TTC39B: variants seen among roughly 807,000 people sequenced by gnomAD.
TTC39B encodes the protein tetratricopeptide repeat domain 39B.
In TTC39B, 92 loss-of-function variants were observed where a neutral mutation model predicts 96.6. That is an observed-to-expected ratio of 0.95 (90% CI 0.80 to 1.13). TTC39B has a LOEUF of 1.13. TTC39B is among the 50% of genes most tolerant of loss of function. The pLI is 0.00. For missense variants in TTC39B, 955 were observed against 809.3 expected (o/e 1.18, Z -2.18); for synonymous variants, 367 against 299.4 (o/e 1.23, Z -2.33).
At chr9:15,251,965 G>C (rs989231949) in intron 2 of TTC39B, among the ~76,000 whole-genome samples, 2 of 151,842 alleles carry the variant, frequency 1.3e-5, no homozygotes, top group African/African-American at 4.8e-5. Flanking sequence ...GAGCCCACAA[G>C]GTCCCTGCTC....
At chr9:15,275,333 T>C (rs1376792651) in intron 1 of TTC39B, among the ~76,000 whole-genome samples, 3 of 152,076 alleles carry the variant, frequency 2.0e-5, no homozygotes, top group African/African-American at 7.2e-5. Flanking sequence ...GAGCCAACGC[T>C]CCCAGCCAGT....
At chr9:15,263,616 C>T (rs1020977407) in intron 2 of TTC39B, among the ~76,000 whole-genome samples, 1 of 152,174 alleles carries the variant, frequency 6.6e-6, no homozygotes, top group African/African-American at 2.4e-5. Flanking sequence ...CCTTACAATA[C>T]CTCTCAGAAC....
chr9:15,231,729 G>A (rs149532805), intron 2 of TTC39B, among the ~76,000 whole-genome samples: 305 of 152,104 alleles, frequency 2.0e-3, no homozygotes, highest in African/African-American at 6.7e-3. Context: ...ATGTTCCTGC[G>A]CAATGAGATA....
At chr9:15,168,608 C>G (rs1224621410) in exon 20 of TTC39B, 1 of 152,152 alleles carries the variant, frequency 6.6e-6, no homozygotes, top group Non-Finnish European at 1.5e-5. Context: ...TTCAGGAGAT[C>G]GAGACCATCC....
At chr9:15,246,886 T>A (rs1046958754) in intron 2 of TTC39B, among the ~76,000 whole-genome samples, 2 of 152,262 alleles carry the variant, frequency 1.3e-5, no homozygotes, top group African/African-American at 4.8e-5. Flanking sequence ...TTCAGATTCA[T>A]AAGCAAATAA....
chr9:15,292,112 G>A lies in TTC39B; in HGVS notation c.240+14972C>T, dbSNP rs149605046. ...TCATAAGGCTAGAATTTTACAGACA[G>A]GAAAGAATCATAGTTAATGCCCACA... On this transcript the variant is annotated intron_variant, in intron 1 of 19. Transcript: ENST00000512701. Among the ~76,000 whole-genome samples the A allele has an allele frequency of 1.1e-3, 175 of 152,290 alleles. 1 individual carries two copies. The highest frequency in any genetic ancestry group is 3.9e-3 in the African/African-American group (160 of 41,548).
chr9:15,255,006 T>G (rs1479290675), intron 2 of TTC39B, among the ~76,000 whole-genome samples: 1 of 152,110 alleles, frequency 6.6e-6, no homozygotes, highest in Non-Finnish European at 1.5e-5. Flanking sequence ...CCCACACCTT[T>G]GAAAAGGTTA....
intron 3 of TTC39B, 103 bp from the exon 4 acceptor site, chr9:15,214,352 G>GTGTC (rs1358512158): frequency 4.8e-5 from 37 of 771,056 alleles, no homozygotes; most frequent in African/African-American, 7.1e-5. Context: ...GTGTGTCTGT[G>GTGTC]TGTGTGTGTC....
intron 1 of TTC39B, among the ~76,000 whole-genome samples, chr9:15,305,692 A>AT: frequency 6.7e-6 from 1 of 149,786 alleles, no homozygotes; most frequent in East Asian, 1.9e-4. Flanking sequence ...CGGCTAATGC[A>AT]TCTCAACCGT....
intron 2 of TTC39B, among the ~76,000 whole-genome samples, chr9:15,231,075 T>C (rs1002355497): frequency 6.6e-6 from 1 of 152,220 alleles, no homozygotes; most frequent in Non-Finnish European, 1.5e-5. Context: ...AATGCTAAAT[T>C]ATGGTATGTG....
chr9:15,280,730 G>T (rs1022621130), intron 1 of TTC39B, among the ~76,000 whole-genome samples: 1 of 152,202 alleles, frequency 6.6e-6, no homozygotes, highest in Non-Finnish European at 1.5e-5. Flanking sequence ...AGAGGGTCAG[G>T]AGAGGCAGTG....
intron 1 of TTC39B, among the ~76,000 whole-genome samples, chr9:15,305,361 G>T (rs538735927): frequency 1.3e-5 from 2 of 152,286 alleles, no homozygotes; most frequent in African/African-American, 4.8e-5. Flanking sequence ...CGCTTGCTCA[G>T]TTTATAGCAA....
intron 1 of TTC39B, among the ~76,000 whole-genome samples, chr9:15,276,562 T>G (rs919951323): frequency 6.6e-6 from 1 of 152,172 alleles, no homozygotes; most frequent in African/African-American, 2.4e-5. Context: ...CAATACAAAG[T>G]CCATGTCATG....
intron 4 of TTC39B, 81 bp downstream of exon 4, chr9:15,214,058 A>C (rs770141786): frequency 2.0e-5 from 22 of 1,099,482 alleles, no homozygotes; most frequent in Non-Finnish European, 2.8e-5. Context: ...GGAACAGCTA[A>C]ATTAATTTAC....
rs1249686641 is a variant in TTC39B at position 15,306,397 on chromosome 9, G to A, written c.240+687C>T. Among the ~76,000 whole-genome samples the A allele has an allele frequency of 1.3e-5, 2 of 152,194 alleles. No individual in the cohort carries two copies. Among genetic ancestry groups the A allele is most frequent in the Non-Finnish European group, 2.9e-5 (2 of 68,030 alleles). On this transcript the variant is annotated intron_variant, in intron 1 of 19. Transcript: ENST00000512701. This position sits in a 1 kb window ranked among gnomAD's most constrained non-coding sequence, Gnocchi z 5.1. The stretch of plus-strand genomic sequence containing the variant: ...AACACAGTTGAAACCAAAGGAGGCC[G>A]GAGTCGGTTCTCAAAGTGGTTTCCC...
intron 17 of TTC39B, among the ~76,000 whole-genome samples, chr9:15,181,349 T>C (rs1818238694): frequency 6.6e-6 from 1 of 152,214 alleles, no homozygotes; most frequent in Non-Finnish European, 1.5e-5. Context: ...CCTAAGTGAC[T>C]TGGCATTGAA....
intron 13 of TTC39B, among the ~76,000 whole-genome samples, chr9:15,188,594 G>A (rs577682491): frequency 6.6e-6 from 1 of 152,140 alleles, no homozygotes; most frequent in African/African-American, 2.4e-5. Flanking sequence ...ATGTAAATAG[G>A]CAAATCAGAA....
At chr9:15,178,243 G>A (rs534888465) in intron 17 of TTC39B, among the ~76,000 whole-genome samples, 1 of 152,064 alleles carries the variant, frequency 6.6e-6, no homozygotes, top group South Asian at 2.1e-4. Flanking sequence ...TTTAGCATTT[G>A]TTATGCCTCA....
chr9:15,272,952 C>T (rs1172481684), intron 1 of TTC39B, among the ~76,000 whole-genome samples: 1 of 152,172 alleles, frequency 6.6e-6, no homozygotes, highest in Non-Finnish European at 1.5e-5. Flanking sequence ...CTGAACCCTA[C>T]CTCTGCCTCC....
Sources: allele counts gnomAD v4.1 joint callset (sites outside exome capture counted in the v4.1 genomes callset), GRCh38; gene constraint gnomAD v4.1.1; non-coding constraint Gnocchi (gnomAD v3.1); transcripts MANE v1.5; gene names NCBI Gene and HGNC (gene_info 2026-07-23, HGNC 2026-07-21).